Variants in GPR35 observed in about 807,000 individuals in gnomAD.
GPR35 encodes G protein-coupled receptor 35, also known as KYNA receptor.
For missense variants in GPR35, 372 were observed against 422.5 expected (o/e 0.88, Z 1.05); for synonymous variants, 207 against 198.4 (o/e 1.04, Z -0.36).
chr2:240,629,738 T>C (rs2043418056), intron 1 of GPR35: 1 of 487,008 alleles, frequency 2.1e-6, no homozygotes, highest in Admixed American at 3.4e-5. Flanking sequence ...GCTCAGGAGA[T>C]GGGAAGAGGA....
chr2:240,619,091 G>A, intron 5 of GPR35: 1 of 684,482 alleles, frequency 1.5e-6, no homozygotes. Flanking sequence ...CTCTAATTTG[G>A]CTAAAGATAT....
chr2:240,630,923 C>T lies in GPR35; in HGVS notation c.*41C>T, dbSNP rs1156400493. 2.6e-6 allele frequency: 4 copies of T among 1,533,356 alleles called. No homozygotes were observed. In the Admixed American group the frequency reaches 7.4e-5, roughly 28 times the overall value. The allele number at this position is 1,533,356 out of a possible 1,614,324, so 95.0% of individuals were successfully genotyped here. ...CGCTGTGGGCCAGGTCTCGGGGGCT[C>T]CGGGAGGTGCTGCCTGCCAGGGGAA... On this transcript the variant is annotated 3_prime_UTR_variant, in exon 2 of 2. Coordinates refer to ENST00000407714, the MANE Select transcript of GPR35 (RefSeq NM_005301.5).
intron 1 of GPR35, among the ~76,000 whole-genome samples, chr2:240,606,210 C>T (rs761356021): frequency 5.3e-5 from 8 of 152,202 alleles, no homozygotes; most frequent in Non-Finnish European, 1.0e-4. Context: ...TAGGTTTAGT[C>T]GGGCATATGC....
upstream of GPR35, among the ~76,000 whole-genome samples, chr2:240,623,526 T>C (rs1215671025): frequency 1.4e-5 from 2 of 140,740 alleles, no homozygotes; most frequent in East Asian, 4.4e-4. Context: ...GGGTGCAGCT[T>C]TGGGGAGAGA....
chr2:240,630,336 G>GT lies in GPR35; in HGVS notation c.385dup (p.Ser129PhefsTer168), dbSNP rs1242471360. On this transcript the variant is annotated frameshift_variant, in exon 2 of 2. Transcript: ENST00000407714. LOFTEE classifies it low-confidence loss of function (END_TRUNC). ...ACCCGCTGCGTGCCCGCGGGCTGCG[G>GT]TCCCCCAGGCAGGCTGCGGCCGTGT... The GT allele has an allele frequency of 6.3e-7, 1 of 1,597,340 alleles. No homozygotes were observed. The highest frequency in any genetic ancestry group is 8.5e-7 in the Non-Finnish European group (1 of 1,174,894).
In GPR35 at chr2:240,630,944, G is replaced by A. The variant is rs1008946530; in HGVS notation, c.*62G>A. ...GGCTCCGGGAGGTGCTGCCTGCCAG[G>A]GGAAGCTGGAACCAGTAGCAAGGAG... On this transcript the variant is annotated 3_prime_UTR_variant, in exon 2 of 2. Coordinates refer to ENST00000407714, the MANE Select transcript of GPR35 (RefSeq NM_005301.5). 5.6e-6 allele frequency: 8 copies of A among 1,422,626 alleles called. No homozygotes were observed. The highest frequency in any genetic ancestry group is 1.9e-5 in the Admixed American group (1 of 52,928). The allele number at this position is 1,422,626 out of a possible 1,614,324, so 88.1% of individuals were successfully genotyped here.
chr2:240,605,920 G>A (rs2043128096), intron 1 of GPR35, among the ~76,000 whole-genome samples: 1 of 152,198 alleles, frequency 6.6e-6, no homozygotes, highest in African/African-American at 2.4e-5. Flanking sequence ...TCAGGGGAAG[G>A]GTCTTTTCTG....
chr2:240,625,154 G>A (rs1402045944), upstream of GPR35: 3 of 582,860 alleles, frequency 5.1e-6, no homozygotes, highest in African/African-American at 6.1e-5. Context: ...TTTCCGAGAT[G>A]ACAGGGCAGA....
chr2:240,609,731 G>A (rs1373816471), intron 2 of GPR35, among the ~76,000 whole-genome samples: 1 of 152,140 alleles, frequency 6.6e-6, no homozygotes, highest in African/African-American at 2.4e-5. Flanking sequence ...GTTTGGATAA[G>A]ATGATTGGTG....
rs750766768 is a variant in GPR35 at position 240,630,288 on chromosome 2, G to C, written c.336G>C (p.Val112=). ...MSISLVTAIA[V]DRYVAVRHPL... ...TCAGCCTGGTCACGGCCATCGCCGT[G>C]GACCGCTATGTGGCCGTGCGGCACC... Residue 112 remains valine, a synonymous_variant, in exon 2 of 2, where the codon GTG becomes GTC. Coordinates refer to ENST00000407714, the MANE Select transcript of GPR35 (RefSeq NM_005301.5). The C allele has an allele frequency of 6.4e-7, 1 of 1,568,864 alleles. No homozygotes were observed. The highest frequency in any genetic ancestry group is 8.6e-7 in the Non-Finnish European group (1 of 1,162,272).
intron 2 of GPR35, among the ~76,000 whole-genome samples, chr2:240,615,895 T>G (rs886901455): frequency 2.0e-5 from 3 of 152,192 alleles, no homozygotes; most frequent in Admixed American, 6.5e-5. Context: ...TCCCACCTTA[T>G]ACGTTTTTAA....
intron 2 of GPR35, among the ~76,000 whole-genome samples, chr2:240,615,582 T>C (rs2043229742): frequency 6.6e-6 from 1 of 152,218 alleles, no homozygotes; most frequent in Non-Finnish European, 1.5e-5. Flanking sequence ...TCACAACTGA[T>C]TGTGCTTCAC....
chr2:240,618,434 G>C (rs1365938638), intron 4 of GPR35, among the ~76,000 whole-genome samples: 1 of 152,174 alleles, frequency 6.6e-6, no homozygotes, highest in Non-Finnish European at 1.5e-5. Flanking sequence ...ATTCTTTCTT[G>C]TTGTCAGGCT....
intron 2 of GPR35, among the ~76,000 whole-genome samples, chr2:240,614,573 T>C (rs1397885626): frequency 6.6e-6 from 1 of 152,190 alleles, no homozygotes; most frequent in Non-Finnish European, 1.5e-5. Context: ...CTGCCCCTGG[T>C]CCTGAGGAGG....
chr2:240,630,021 C>T lies in GPR35; in HGVS notation c.69C>T (p.Phe23=). Residue 23 remains phenylalanine, a synonymous_variant, in exon 2 of 2, where the codon TTC becomes TTT. Coordinates refer to ENST00000407714, the MANE Select transcript of GPR35 (RefSeq NM_005301.5). The stretch of plus-strand genomic sequence containing the variant: ...GGCCCCCAGCGATCAAGCTGGGCTT[C>T]TACGCCTACTTGGGCGTCCTGCTGG... The part of the protein sequence containing the change: ...LTWPPAIKLG[F]YAYLGVLLVL... 1 of 1,612,904 alleles carries T rather than the reference C, an allele frequency of 6.2e-7. No homozygotes were observed.
rs753191793 is a variant in GPR35, at chr2:240,630,872, C to A, written c.920C>A (p.Thr307Asn). Residue 307 changes from threonine (T) to asparagine (N), a missense_variant, in exon 2 of 2, where the codon ACC becomes AAC. Thr to Asn is a moderately conservative substitution (Grantham distance 65). Coordinates refer to ENST00000407714, the MANE Select transcript of GPR35 (RefSeq NM_005301.5). ...AAAAGCCAGGACTCTCTGTGCGTGA[C>A]CCTCGCCTAAGAGGCGTGCTGTGGG... is the stretch of plus-strand genomic sequence containing the variant. ...AHKSQDSLCV[T>N]LA 1 of 1,611,516 alleles carries A rather than the reference C, an allele frequency of 6.2e-7. No individual in the cohort carries two copies. Among genetic ancestry groups the A allele is most frequent in the African/African-American group, 1.3e-5 (1 of 74,902 alleles).
chr2:240,623,872 C>A (rs72996930), upstream of GPR35, among the ~76,000 whole-genome samples: 1 of 152,188 alleles, frequency 6.6e-6, no homozygotes, highest in Non-Finnish European at 1.5e-5. Context: ...GGCTTCCCTT[C>A]CAGTGTGTGA....
At chr2:240,614,717 C>T (rs1052922126) in intron 2 of GPR35, among the ~76,000 whole-genome samples, 3 of 152,204 alleles carry the variant, frequency 2.0e-5, no homozygotes, top group Admixed American at 6.5e-5. Context: ...TGGCATGGCA[C>T]CGCCATGCCC....
At chr2:240,623,103 C>T (rs866422919), upstream of GPR35, among the ~76,000 whole-genome samples, 1 of 152,334 alleles carries the variant, frequency 6.6e-6, no homozygotes, top group Middle Eastern at 3.4e-3. Context: ...TGATATGTCC[C>T]CGGCACTCGC....
Sources: allele counts gnomAD v4.1 joint callset (sites outside exome capture counted in the v4.1 genomes callset), GRCh38; gene constraint gnomAD v4.1.1; transcripts MANE v1.5; gene names NCBI Gene and HGNC (gene_info 2026-07-23, HGNC 2026-07-21).